Variants in EIF4ENIF1 observed in about 807,000 individuals in gnomAD.
EIF4ENIF1 encodes eukaryotic translation initiation factor 4E transporter.
EIF4ENIF1 carries 23 observed loss-of-function variants against 110.5 expected under a neutral mutation model. The ratio of observed to expected loss-of-function variants is 0.21; its 90% CI spans 0.15 to 0.29. The LOEUF is 0.29. Ranked by LOEUF, EIF4ENIF1 falls within the 10% of genes least tolerant of loss-of-function variation. The pLI is 1.00. For synonymous variants in EIF4ENIF1, 440 were observed against 437.0 expected (o/e 1.01, Z -0.09); for missense variants, 1,031 against 1,221.1 (o/e 0.84, Z 2.32).
At position 31,441,975 on chromosome 22, in the gene EIF4ENIF1, G is replaced by A; in HGVS notation, c.2350C>T (p.Arg784Ter). The A allele has an allele frequency of 1.2e-6, 2 of 1,614,158 alleles. No homozygotes were observed. The highest frequency in any genetic ancestry group is 1.7e-6 in the Non-Finnish European group (2 of 1,180,032). ...GTTTTTCTCCCAGTTGCTTTAGGTC[G>A]ATAATCTTGTTCTTTGGTGTAACGG... ...ANRYTKEQDY[R>*]PKATGRKTPT... Residue 784 changes from arginine to a stop codon, truncating the protein, a stop_gained, in exon 17 of 19, where the codon CGA becomes TGA. Transcript: ENST00000330125. LOFTEE classifies it high-confidence loss of function.
intron 13 of EIF4ENIF1, among the ~76,000 whole-genome samples, chr22:31,447,949 A>G (rs553213720): frequency 6.6e-6 from 1 of 152,108 alleles, no homozygotes; most frequent in Non-Finnish European, 1.5e-5. Flanking sequence ...ATGCCGCTAT[A>G]CCTGGCTCAT....
upstream of EIF4ENIF1, chr22:31,490,010 C>CT (rs1170451736): frequency 6.6e-6 from 1 of 152,332 alleles, no homozygotes; most frequent in African/African-American, 2.4e-5. Context: ...ACGCCAGCCC[C>CT]TGCGCGGGCC....
chr22:31,445,962 C>T (rs536336087), intron 14 of EIF4ENIF1, among the ~76,000 whole-genome samples: 1 of 148,596 alleles, frequency 6.7e-6, no homozygotes, highest in Admixed American at 6.7e-5. Context: ...CGCCCCCCCC[C>T]CCCATCTACC....
intron 2 of EIF4ENIF1, among the ~76,000 whole-genome samples, chr22:31,480,203 G>A (rs1382640822): frequency 6.6e-6 from 1 of 152,160 alleles, no homozygotes; most frequent in Non-Finnish European, 1.5e-5. Flanking sequence ...TTTCTTAGTT[G>A]CAGCAGCCTT....
Position 31,463,867 on chromosome 22 carries a change from G to C in EIF4ENIF1, c.399C>G (p.Ser133=). ...TCTCTAATGGACTTCCTGAGCGCCG[G>C]GAGCTAACAGCGGCTGTCACGTGGC... ...GGCHVTAAVS[S]RRSGSPLEKD... is the part of the protein sequence containing the mutation. Residue 133 remains serine, a synonymous_variant, in exon 5 of 19, where the codon TCC becomes TCG. Coordinates refer to ENST00000330125, the MANE Select transcript of EIF4ENIF1 (RefSeq NM_019843.4). 1.2e-6 allele frequency: 2 copies of C among 1,614,064 alleles called. No homozygotes were observed. The highest frequency in any genetic ancestry group is 1.7e-6 in the Non-Finnish European group (2 of 1,180,032).
chr22:31,446,691 A>G (rs1044408847), intron 14 of EIF4ENIF1, among the ~76,000 whole-genome samples: 3 of 152,178 alleles, frequency 2.0e-5, no homozygotes, highest in Non-Finnish European at 4.4e-5. Context: ...GAGGAGGAAA[A>G]GGGGTATTAC....
chr22:31,466,845 CA>C (rs1215125724), intron 4 of EIF4ENIF1, among the ~76,000 whole-genome samples: 1 of 152,054 alleles, frequency 6.6e-6, no homozygotes, highest in Admixed American at 6.6e-5. Context: ...TGTCACCATA[CA>C]AAAAATGTCT....
At chr22:31,439,163 GAAA>G (rs536920752), downstream of EIF4ENIF1, among the ~76,000 whole-genome samples, 430 of 152,248 alleles carry the variant, frequency 2.8e-3, no homozygotes, top group African/African-American at 0.01. Context: ...CAAAAAATAA[GAAA>G]AAAGTTAGTG....
chr22:31,445,963 C>CCT (rs962175653), intron 14 of EIF4ENIF1, among the ~76,000 whole-genome samples: 1 of 148,806 alleles, frequency 6.7e-6, no homozygotes, highest in African/African-American at 2.5e-5. Context: ...GCCCCCCCCC[C>CCT]CCATCTACCT....
intron 8 of EIF4ENIF1, 106 bp downstream of exon 8, chr22:31,455,746 A>G: frequency 6.9e-7 from 1 of 1,442,268 alleles, no homozygotes; most frequent in Admixed American, 2.0e-5. Flanking sequence ...TCAGTTGTCC[A>G]GAGACCCTTT....
At chr22:31,470,882 G>A (rs140235624) in intron 3 of EIF4ENIF1, among the ~76,000 whole-genome samples, 2,268 of 151,254 alleles carry the variant, frequency 0.015, 11 homozygotes, top group Middle Eastern at 0.027. Context: ...CGTGGTAGTG[G>A]GTGCCTGTAA....
chr22:31,475,863 GA>G (rs1301991243), intron 2 of EIF4ENIF1, among the ~76,000 whole-genome samples: 1 of 146,530 alleles, frequency 6.8e-6, no homozygotes, highest in Admixed American at 7.0e-5. Context: ...CTCAAAAAAA[GA>G]AAAAAACAAA....
At chr22:31,486,231 T>C (rs559921994) in intron 2 of EIF4ENIF1, among the ~76,000 whole-genome samples, 41 of 149,402 alleles carry the variant, frequency 2.7e-4, no homozygotes, top group Non-Finnish European at 4.0e-4. Context: ...GATAGCATCA[T>C]TGCACTCCAG....
In EIF4ENIF1 at chr22:31,458,592, T is replaced by G. The variant is rs1213033853; in HGVS notation, c.846A>C (p.Ala282=). The change falls in exon 7 of 19, where the codon GCA becomes GCC. Residue 282 remains alanine, a synonymous_variant. Transcript: ENST00000330125. The part of the protein sequence containing the change: ...AEEDEVEVIL[A]QEPAADQEVP... ...CTTCCTGATCAGCCGCAGGCTCCTG[T>G]GCAAGGATGACCTCCACTTCATCCT... The G allele has an allele frequency of 1.9e-6, 3 of 1,613,420 alleles. No homozygotes were observed. Among genetic ancestry groups the G allele is most frequent in the East Asian group, 4.5e-5 (2 of 44,866 alleles).
In EIF4ENIF1 at chr22:31,456,689, A is replaced by AT. The variant is rs751881797; in HGVS notation, c.964-703dup. Among the ~76,000 whole-genome samples the AT allele has an allele frequency of 2.0e-5, 3 of 150,750 alleles. No individual in the cohort carries two copies. In the South Asian group the frequency reaches 6.3e-4, roughly 32 times the overall value. On this transcript the variant is annotated intron_variant, in intron 7 of 18. Transcript: ENST00000330125. ...GCCACCATATGCCTGGCTATTTTTA[A>AT]TTTTATTTTTAGTAGAGATGGGTTT... is the stretch of plus-strand genomic sequence containing the variant.
intron 1 of EIF4ENIF1, chr22:31,489,330 C>T (rs12106594): frequency 0.064 from 9,714 of 152,886 alleles, 335 homozygotes; most frequent in African/African-American, 0.091. Context: ...CAACCCGCAG[C>T]CCCTCACGCA....
chr22:31,456,293 G>C (rs1350831169), intron 7 of EIF4ENIF1, among the ~76,000 whole-genome samples: 5 of 148,228 alleles, frequency 3.4e-5, no homozygotes, highest in East Asian at 2.0e-4. Context: ...GCACGATCTC[G>C]GCTCACTGCA....
At chr22:31,450,895 A>ACACACACACACACAC (rs61651683) in intron 10 of EIF4ENIF1, 1 of 152,494 alleles carries the variant, frequency 6.6e-6, no homozygotes, top group South Asian at 1.9e-4. Flanking sequence ...ACACACACAC[A>ACACACACACACACAC]AAAGAGACAG....
At chr22:31,475,131 G>T (rs1601632800) in intron 2 of EIF4ENIF1, among the ~76,000 whole-genome samples, 1 of 152,154 alleles carries the variant, frequency 6.6e-6, no homozygotes, top group African/African-American at 2.4e-5. Flanking sequence ...ATATCAATCA[G>T]GCATTTGCAT....
Sources: gnomAD v4.1 joint callset for allele counts (sites outside exome capture counted in the v4.1 genomes callset) on GRCh38, gnomAD v4.1.1 for gene constraint, MANE v1.5 for transcripts, NCBI Gene and HGNC (gene_info 2026-07-23, HGNC 2026-07-21) for gene names.